Variants in NIPSNAP1 observed in about 807,000 individuals in gnomAD.
NIPSNAP1 encodes nipsnap homolog 1, also known as protein NipSnap homolog 1.
NIPSNAP1 carries 25 observed loss-of-function variants against 49.2 expected under a neutral mutation model. The observed-to-expected ratio is 0.51, with a 90% CI of 0.37 to 0.71. NIPSNAP1 has a LOEUF of 0.71. Ranked by LOEUF, NIPSNAP1 falls within the 30% of genes least tolerant of loss-of-function variation. The pLI, the probability that NIPSNAP1 is intolerant of heterozygous loss-of-function variation, is 0.00. For missense variants in NIPSNAP1, 294 were observed against 361.0 expected, an observed-to-expected ratio of 0.81 and a Z score of 1.50; for synonymous variants, 143 against 140.7, an observed-to-expected ratio of 1.02 and a Z score of -0.12.
chr22:29,569,056 G>A, intron 4 of NIPSNAP1, 137 bp downstream of exon 4: 2 of 721,288 alleles, frequency 2.8e-6, no homozygotes, highest in South Asian at 3.0e-5. Flanking sequence ...TTTGAGCAGG[G>A]GAGTGAGGTG....
Position 29,578,368 on chromosome 22 carries a change from C to T in NIPSNAP1, c.98+2617G>A, listed in dbSNP as rs189414537. Among the ~76,000 whole-genome samples the T allele has an allele frequency of 2.2e-4, 33 of 151,304 alleles. 3 individuals carry two copies. Among genetic ancestry groups the T allele is most frequent in the Admixed American group, 1.1e-3 (17 of 15,224 alleles). ...TGTATTTTTTATAGAGACAGGATCT[C>T]GCCATGTTGCCCAGGCTGGTCTCAA... On this transcript the variant is annotated intron_variant, in intron 1 of 9. Transcript: ENST00000216121.
chr22:29,557,997 T>A (rs1464197141), intron 9 of NIPSNAP1, among the ~76,000 whole-genome samples: 1 of 152,148 alleles, frequency 6.6e-6, no homozygotes, highest in African/African-American at 2.4e-5. Context: ...GCACAGTAGC[T>A]CATGCCTATG....
At chr22:29,576,183 T>C (rs1273971578) in intron 1 of NIPSNAP1, among the ~76,000 whole-genome samples, 1 of 150,450 alleles carries the variant, frequency 6.6e-6, no homozygotes, top group Non-Finnish European at 1.5e-5. Context: ...CACACCCGGC[T>C]AATTTTTGTA....
At position 29,570,155 on chromosome 22, in the gene NIPSNAP1, T is replaced by G. The variant is rs765229120; in HGVS notation, c.272+7A>C. Reference sequence around the variant, plus strand: ...GGGGATGGGATGTATGGATGCAGGGTGCTCACGTGAGGCTGTTGTAGGCAT... The same window carrying G: ...GGGGATGGGATGTATGGATGCAGGGGGCTCACGTGAGGCTGTTGTAGGCAT... On this transcript the variant is annotated splice_region_variant and intron_variant, in intron 3 of 9. Transcript: ENST00000216121. The G allele has an allele frequency of 2.5e-6, 4 of 1,613,410 alleles. No individual in the cohort carries two copies. In the East Asian group the frequency reaches 8.9e-5, roughly 36 times the overall value.
chr22:29,580,448 C>G (rs1461897766), intron 1 of NIPSNAP1, among the ~76,000 whole-genome samples: 1 of 152,222 alleles, frequency 6.6e-6, no homozygotes, highest in Admixed American at 6.5e-5. Context: ...GGTCCCAGAC[C>G]TGGTGCTGCC....
At chr22:29,573,544 GGATTACCTGAGGTCGGGA>G (rs1264461760) in intron 1 of NIPSNAP1, among the ~76,000 whole-genome samples, 1 of 152,018 alleles carries the variant, frequency 6.6e-6, no homozygotes, top group East Asian at 1.9e-4. Context: ...CAAGGCGGGT[GGATTACCTGAGGTCGGGA>G]GTTTGAGACC....
At chr22:29,564,140 A>T (rs1018994842) in intron 4 of NIPSNAP1, 2 of 345,332 alleles carry the variant, frequency 5.8e-6, no homozygotes, top group Admixed American at 4.0e-5. Context: ...TCCCCAGGGG[A>T]TCACACAGGC....
chr22:29,558,591 G>A (rs368849910), intron 9 of NIPSNAP1, among the ~76,000 whole-genome samples: 3 of 152,154 alleles, frequency 2.0e-5, no homozygotes, highest in Non-Finnish European at 2.9e-5. Flanking sequence ...CAGCCTCAGC[G>A]AGGTAAAGAA....
intron 2 of NIPSNAP1, 95 bp from the exon 3 acceptor site, chr22:29,570,302 G>A: frequency 6.2e-7 from 1 of 1,604,556 alleles, no homozygotes; most frequent in Non-Finnish European, 8.5e-7. Context: ...GGGGTCCCAG[G>A]ACAGCTGAGG....
chr22:29,557,211 TG>T (rs765398417), intron 9 of NIPSNAP1, among the ~76,000 whole-genome samples: 1 of 150,684 alleles, frequency 6.6e-6, no homozygotes. Context: ...CTCCGCCTCC[TG>T]GGTTCAAGTG....
chr22:29,556,070 C>T, intron 9 of NIPSNAP1, 71 bp from the exon 10 acceptor site: 2 of 1,360,380 alleles, frequency 1.5e-6, no homozygotes, highest in Non-Finnish European at 2.1e-6. Flanking sequence ...GCCCCACCCA[C>T]ACATGCTGGC....
rs564215629 is a variant in NIPSNAP1 at position 29,564,270 on chromosome 22, C to T, written c.368-2408G>A. The T allele has an allele frequency of 2.1e-4, 97 of 462,644 alleles. No homozygotes were observed. The Middle Eastern group carries it at 5.0e-3, about 24-fold the overall frequency. 28.7% of individuals were successfully genotyped at this position (462,644 alleles called of 1,614,324 possible). A position where few individuals can be genotyped will look rare whatever the true frequency, so the allele number is the denominator to read the frequency against. The stretch of plus-strand genomic sequence containing the variant: ...TTGACTCCATCTGTGCCTTGATTTT[C>T]CCATCTGCAAAATGGCCTGACCCTA... On this transcript the variant is annotated intron_variant, in intron 4 of 9. Coordinates refer to ENST00000216121, the MANE Select transcript of NIPSNAP1 (RefSeq NM_003634.4).
At chr22:29,569,314 G>A (rs764219000) in intron 3 of NIPSNAP1, 27 bp from the exon 4 acceptor site, 4 of 1,567,594 alleles carry the variant, frequency 2.6e-6, no homozygotes, top group East Asian at 4.5e-5. Flanking sequence ...GAGAGGGGCA[G>A]GGTTCACATA....
At position 29,561,234 on chromosome 22, in the gene NIPSNAP1, A is replaced by G. The variant is rs763141738; in HGVS notation, c.580-32T>C. 8 of 1,611,618 alleles carry G rather than the reference A, an allele frequency of 5.0e-6. No homozygotes were observed. In the African/African-American group the frequency reaches 1.1e-4, roughly 22 times the overall value. ...GAGAACCAAAGGGATGATGGGAATGAGCCCCCACCTCAGATTCATAGCATC... is the reference window on the plus strand; with the variant it reads ...GAGAACCAAAGGGATGATGGGAATGGGCCCCCACCTCAGATTCATAGCATC... On this transcript the variant is annotated intron_variant, in intron 6 of 9. Transcript: ENST00000216121.
intron 1 of NIPSNAP1, among the ~76,000 whole-genome samples, chr22:29,574,289 A>AAAAAAAAAAAAAAAG (rs2064434492): frequency 1.6e-5 from 2 of 125,266 alleles, no homozygotes; most frequent in South Asian, 2.4e-4. Flanking sequence ...AAAAAAAAAA[A>AAAAAAAAAAAAAAAG]AAAGAAAGAA....
chr22:29,574,492 T>C (rs1156275408), intron 1 of NIPSNAP1, among the ~76,000 whole-genome samples: 1 of 150,892 alleles, frequency 6.6e-6, no homozygotes, highest in South Asian at 2.1e-4. Context: ...AAAAAGACAA[T>C]TATCAGCCTG....
chr22:29,556,852 C>G (rs998064740), intron 9 of NIPSNAP1, among the ~76,000 whole-genome samples: 1 of 151,592 alleles, frequency 6.6e-6, no homozygotes, highest in Non-Finnish European at 1.5e-5. Flanking sequence ...CGGTTTCAAG[C>G]GATTCTCCTG....
At chr22:29,561,360 T>C (rs748816964) in intron 6 of NIPSNAP1, 146 bp downstream of exon 6, 3 of 1,409,222 alleles carry the variant, frequency 2.1e-6, no homozygotes, top group Non-Finnish European at 2.0e-6. Context: ...CTGGTGTGCA[T>C]GTTTGCACAC....
chr22:29,567,004 C>T (rs746821814), intron 4 of NIPSNAP1, among the ~76,000 whole-genome samples: 2 of 152,012 alleles, frequency 1.3e-5, no homozygotes, highest in Non-Finnish European at 2.9e-5. Context: ...CGCCTGTAAC[C>T]TCAGCTACTC....
Sources: allele counts gnomAD v4.1 joint callset (sites outside exome capture counted in the v4.1 genomes callset), GRCh38; gene constraint gnomAD v4.1.1; transcripts MANE v1.5; gene names NCBI Gene and HGNC (gene_info 2026-07-23, HGNC 2026-07-21).